Variants in UBAC1 observed in about 807,000 individuals in gnomAD.
UBAC1 encodes the protein UBA domain containing 1, also known as ubiquitin-associated domain-containing protein 1.
In UBAC1, 27 loss-of-function variants were observed where a neutral mutation model predicts 45.9. The ratio of observed to expected loss-of-function variants is 0.59; its 90% confidence interval spans 0.43 to 0.81. The LOEUF is 0.81. Ranked by LOEUF, UBAC1 falls within the 30% of genes least tolerant of loss-of-function variation. The pLI is 0.00. For synonymous variants in UBAC1, 227 were observed against 215.5 expected, an observed-to-expected ratio of 1.05 and a Z score of -0.47; for missense variants, 529 against 539.2, an observed-to-expected ratio of 0.98 and a Z score of 0.19.
In UBAC1 at chr9:135,938,244, C is replaced by T; in HGVS notation, c.1080G>A (p.Leu360=). The change falls in exon 9 of 10, where the codon CTG becomes CTA. Residue 360 remains leucine (L), a synonymous_variant. Transcript: ENST00000371756. ...ILDNPVVQLG[L]TNPKTLLAFE... ...TACCTAGCAATGTTTTCGGGTTGGT[C>T]AGGCCCAGCTGCACCACCGGGTTAT... 1 of 1,614,108 alleles carries T rather than the reference C, an allele frequency of 6.2e-7. No individual in the cohort carries two copies.
At chr9:135,956,313 C>T (rs898462756) in intron 1 of UBAC1, among the ~76,000 whole-genome samples, 28 of 152,198 alleles carry the variant, frequency 1.8e-4, no homozygotes, top group Non-Finnish European at 4.1e-4. Context: ...AGATCCTGCT[C>T]CTCAATTCGG....
In UBAC1 at chr9:135,953,612, C is replaced by T. The variant is rs1839432305; in HGVS notation, c.333+68G>A. ...GGATTACAGGCGCGAGCCACTGTAC[C>T]CAGCCTGTAATTCTTAAATGTAGAC... On this transcript the variant is annotated intron_variant, in intron 3 of 9. Transcript: ENST00000371756. 2.7e-6 allele frequency: 4 copies of T among 1,455,914 alleles called. No individual in the cohort carries two copies. In the Admixed American group the frequency reaches 5.3e-5, roughly 19 times the overall value. The allele number at this position is 1,455,914 out of a possible 1,614,324, so 90.2% of individuals were successfully genotyped here. A position where few individuals can be genotyped will look rare whatever the true frequency, so the allele number is the denominator to read the frequency against.
intron 1 of UBAC1, among the ~76,000 whole-genome samples, chr9:135,958,467 C>T (rs986499884): frequency 4.6e-5 from 7 of 152,170 alleles, no homozygotes; most frequent in African/African-American, 1.7e-4. Context: ...TTGCACAAAA[C>T]AGAAAAGGGA....
intron 3 of UBAC1, among the ~76,000 whole-genome samples, chr9:135,952,590 A>G (rs901555400): frequency 1.3e-5 from 2 of 152,234 alleles, no homozygotes; most frequent in African/African-American, 4.8e-5. Flanking sequence ...GCAGACCATG[A>G]ATCAATAACG....
At chr9:135,949,329 A>C (rs1839378385) in intron 3 of UBAC1, among the ~76,000 whole-genome samples, 1 of 152,194 alleles carries the variant, frequency 6.6e-6, no homozygotes, top group Non-Finnish European at 1.5e-5. Context: ...AGAGAAAAGA[A>C]AACAAGGAGA....
Position 135,946,386 on chromosome 9 carries a change from AAGG to A in UBAC1, c.442-18_442-16del, listed in dbSNP as rs1401674426. The A allele has an allele frequency of 3.2e-6, 5 of 1,545,460 alleles. No homozygotes were observed. The highest frequency in any genetic ancestry group is 2.7e-5 in the African/African-American group (2 of 73,432). On this transcript the variant is annotated splice_polypyrimidine_tract_variant and intron_variant, in intron 4 of 9. Transcript: ENST00000371756. The stretch of plus-strand genomic sequence containing the variant: ...TCTGTCTGGAACTGTGGTGAAAAAA[AAGG>A]AGATCAATTCTCTAAATGTCCACCA...
intron 3 of UBAC1, chr9:135,948,149 G>A (rs1457255509): frequency 2.3e-6 from 1 of 443,752 alleles, no homozygotes; most frequent in Non-Finnish European, 4.0e-6. Context: ...GGCAGAGCAG[G>A]AGCAAGGGTC....
intron 1 of UBAC1, among the ~76,000 whole-genome samples, chr9:135,957,772 CTTTTT>C (rs56142900): frequency 7.4e-6 from 1 of 135,654 alleles, no homozygotes; most frequent in Admixed American, 7.5e-5. Flanking sequence ...TGAACTCCTT[CTTTTT>C]TTTTTTTTTT....
chr9:135,952,880 C>T (rs144701328), intron 3 of UBAC1, among the ~76,000 whole-genome samples: 2 of 152,334 alleles, frequency 1.3e-5, no homozygotes, highest in African/African-American at 4.8e-5. Flanking sequence ...TTGGATTTTC[C>T]GATGGGGATG....
At chr9:135,958,532 A>G (rs1239798716) in intron 1 of UBAC1, among the ~76,000 whole-genome samples, 2 of 152,168 alleles carry the variant, frequency 1.3e-5, no homozygotes, top group African/African-American at 4.8e-5. Context: ...AGGAGTGCAC[A>G]CCCAGGAGCA....
chr9:135,940,913 TA>T (rs1373022398), intron 7 of UBAC1, among the ~76,000 whole-genome samples: 1 of 152,200 alleles, frequency 6.6e-6, no homozygotes, highest in Non-Finnish European at 1.5e-5. Context: ...TAAGGTGGTC[TA>T]GGGGTGCCAG....
rs116658139 is a variant in UBAC1, at chr9:135,960,129, T to G, written c.138+896A>C. ...ATACGTCGTAACTTATCACATGGAG[T>G]CGCCACTAGAAAATTGCAGCCTCCT... On this transcript the variant is annotated intron_variant, in intron 1 of 9. Coordinates refer to ENST00000371756, the MANE Select transcript of UBAC1 (RefSeq NM_016172.3). Among the ~76,000 whole-genome samples the G allele has an allele frequency of 7.7e-3, 1,171 of 152,102 alleles. 16 individuals carry two copies. Among genetic ancestry groups the G allele is most frequent in the African/African-American group, 0.027 (1,104 of 41,470 alleles).
At chr9:135,934,735 A>G (rs938072435) in intron 9 of UBAC1, among the ~76,000 whole-genome samples, 4 of 152,258 alleles carry the variant, frequency 2.6e-5, no homozygotes, top group African/African-American at 9.6e-5. Flanking sequence ...TGTTTCACAC[A>G]CAGGGCGGGG....
chr9:135,953,299 C>CT lies in UBAC1; in HGVS notation c.333+380dup, dbSNP rs201221202. ...TAGTATAGAGAACTTCTTTATAATTCTTTTTTTTTTAAGTTTGTATTTATT... is the reference window on the plus strand; with the variant it reads ...TAGTATAGAGAACTTCTTTATAATTCTTTTTTTTTTTAAGTTTGTATTTATT... On this transcript the variant is annotated intron_variant, in intron 3 of 9. Transcript: ENST00000371756. Among the ~76,000 whole-genome samples, 13 of 149,658 alleles carry CT rather than the reference C, an allele frequency of 8.7e-5. No homozygotes were observed. The East Asian group carries it at 1.8e-3, about 20-fold the overall frequency.
chr9:135,939,845 G>T, intron 7 of UBAC1, 86 bp from the exon 8 acceptor site: 5 of 1,160,136 alleles, frequency 4.3e-6, no homozygotes, highest in Non-Finnish European at 5.1e-6. Flanking sequence ...CCCGCTCCCC[G>T]CACCCTAGCG....
Position 135,961,028 on chromosome 9 carries a change from C to A in UBAC1, c.135G>T (p.Lys45Asn), listed in dbSNP as rs757255406. 1 of 1,559,752 alleles carries A rather than the reference C, an allele frequency of 6.4e-7. No individual in the cohort carries two copies. Among genetic ancestry groups the A allele is most frequent in the South Asian group, 1.2e-5 (1 of 86,084 alleles). The change falls in exon 1 of 10, where the codon AAG becomes AAT. Residue 45 changes from lysine (K) to asparagine (N), a missense_variant. Transcript: ENST00000371756. ...SVEKLKERCL[K>N]HCAHGSLEDP... ...AGGGGAGGGGGCCCGGCCTTACGTGCTTGAGGCAGCGCTCCTTGAGCTTCT... is the reference window on the plus strand; with the variant it reads ...AGGGGAGGGGGCCCGGCCTTACGTGATTGAGGCAGCGCTCCTTGAGCTTCT...
chr9:135,955,478 C>T (rs1839456807), intron 1 of UBAC1, 63 bp from the exon 2 acceptor site: 1 of 1,417,126 alleles, frequency 7.1e-7, no homozygotes, highest in African/African-American at 1.5e-5. Context: ...TAATATAGGA[C>T]CTGGCATCCC....
chr9:135,947,919 T>TA lies in UBAC1; in HGVS notation c.334-15dup. ...GTCTTGTTTTTTCTACACAGAAACG[T>TA]AATCAGAAAGTCTGAGGTGAACGTA... On this transcript the variant is annotated splice_polypyrimidine_tract_variant and intron_variant, in intron 3 of 9. Coordinates refer to ENST00000371756, the MANE Select transcript of UBAC1 (RefSeq NM_016172.3). 1 of 1,610,970 alleles carries TA rather than the reference T, an allele frequency of 6.2e-7. No homozygotes were observed. Among genetic ancestry groups the TA allele is most frequent in the Non-Finnish European group, 8.5e-7 (1 of 1,178,160 alleles).
At chr9:135,941,554 T>C (rs1301789389) in intron 7 of UBAC1, among the ~76,000 whole-genome samples, 1 of 152,236 alleles carries the variant, frequency 6.6e-6, no homozygotes, top group South Asian at 2.1e-4. Flanking sequence ...TAGCCTGGAA[T>C]CTACTGAATT....
Sources: allele counts gnomAD v4.1 joint callset (sites outside exome capture counted in the v4.1 genomes callset), GRCh38; gene constraint gnomAD v4.1.1; transcripts MANE v1.5; gene names NCBI Gene and HGNC (gene_info 2026-07-23, HGNC 2026-07-21).